The following FBN2 variants were observed in gnomAD, a reference collection of about 807,000 sequenced individuals.
FBN2 encodes fibrillin 2, also known as fibrillin-2.
FBN2 carries 105 observed loss-of-function variants against 355.6 expected under a neutral mutation model. That is an observed-to-expected ratio of 0.30 (90% CI 0.25 to 0.35). FBN2 has a LOEUF of 0.35. Among genes scored for constraint, FBN2 ranks in the 10% least tolerant of loss-of-function variants. The probability of loss-of-function intolerance (pLI) is 1.00; values close to 1 mark genes in which losing one functional copy is unlikely to be tolerated. For missense variants in FBN2, 3,280 were observed against 3,758.7 expected, an observed-to-expected ratio of 0.87 and a Z score of 3.33; for synonymous variants, 1,350 against 1,301.2, an observed-to-expected ratio of 1.04 and a Z score of -0.81.
intron 8 of FBN2, among the ~76,000 whole-genome samples, chr5:128,406,917 G>C (rs988033058): frequency 3.9e-5 from 6 of 152,250 alleles, no homozygotes; most frequent in African/African-American, 1.4e-4. Flanking sequence ...CCCTAAAATA[G>C]TTTATCTGCT....
chr5:128,362,194 C>T (rs1751655591), intron 18 of FBN2, among the ~76,000 whole-genome samples: 1 of 152,012 alleles, frequency 6.6e-6, no homozygotes, highest in South Asian at 2.1e-4. Context: ...AATTCATTTG[C>T]CTGTATACTT....
At chr5:128,357,562 A>G (rs1476186970) in intron 19 of FBN2, among the ~76,000 whole-genome samples, 167 bp from the exon 20 acceptor site, 2 of 152,158 alleles carry the variant, frequency 1.3e-5, no homozygotes, top group Non-Finnish European at 2.9e-5. Context: ...TGCATTTTAC[A>G]TCGTGGATAC....
intron 19 of FBN2, among the ~76,000 whole-genome samples, chr5:128,360,108 C>A (rs1751602142): frequency 6.6e-6 from 1 of 152,070 alleles, no homozygotes; most frequent in East Asian, 1.9e-4. Context: ...TATCCTCCAA[C>A]AGACAACAGA....
chr5:128,500,563 C>T (rs949446733), intron 5 of FBN2, among the ~76,000 whole-genome samples: 5 of 151,314 alleles, frequency 3.3e-5, no homozygotes, highest in African/African-American at 1.2e-4. Context: ...CCGCCTCAGC[C>T]TCTCTCGAGT....
intron 5 of FBN2, among the ~76,000 whole-genome samples, chr5:128,466,040 C>G (rs971735994): frequency 1.3e-5 from 2 of 152,188 alleles, no homozygotes; most frequent in Admixed American, 6.5e-5. Flanking sequence ...CTGTGATTTA[C>G]TTTCAGTGAA....
chr5:128,313,169 T>G (rs1379402781), intron 36 of FBN2, among the ~76,000 whole-genome samples: 1 of 152,230 alleles, frequency 6.6e-6, no homozygotes, highest in Non-Finnish European at 1.5e-5. Context: ...TCAACTTGCA[T>G]AGCTAACTTT....
At chr5:128,482,596 G>A (rs1203688814) in intron 5 of FBN2, among the ~76,000 whole-genome samples, 6 of 152,034 alleles carry the variant, frequency 3.9e-5, no homozygotes, top group Non-Finnish European at 8.8e-5. Context: ...TTTATGGGGA[G>A]CTATCATTTT....
intron 19 of FBN2, among the ~76,000 whole-genome samples, chr5:128,360,287 T>A (rs1751606342): frequency 6.6e-6 from 1 of 152,130 alleles, no homozygotes; most frequent in Non-Finnish European, 1.5e-5. Flanking sequence ...GTGTTAGAGA[T>A]GGGAGCAGGA....
intron 19 of FBN2, among the ~76,000 whole-genome samples, chr5:128,359,088 A>C (rs571967766): frequency 5.9e-5 from 9 of 152,152 alleles, no homozygotes; most frequent in African/African-American, 1.9e-4. Flanking sequence ...TTGCTGTAAA[A>C]ATTTTAACTT....
At chr5:128,260,091 C>T (rs1211414430) in intron 64 of FBN2, among the ~76,000 whole-genome samples, 1 of 152,008 alleles carries the variant, frequency 6.6e-6, no homozygotes, top group East Asian at 1.9e-4. Flanking sequence ...ATTAAAGGTA[C>T]AGGACTGGGC....
chr5:128,343,409 A>G (rs889645363), intron 25 of FBN2, among the ~76,000 whole-genome samples: 9 of 152,172 alleles, frequency 5.9e-5, no homozygotes, highest in Admixed American at 2.6e-4. Flanking sequence ...GACAGCTGTG[A>G]AAAGCTCAGA....
intron 7 of FBN2, among the ~76,000 whole-genome samples, chr5:128,428,684 T>C (rs1342833084): frequency 6.6e-6 from 1 of 152,244 alleles, no homozygotes; most frequent in Non-Finnish European, 1.5e-5. Context: ...CAGACTTTAG[T>C]TGTTTACTGT....
At chr5:128,310,392 ATATATATATAT>A (rs1391741052) in intron 39 of FBN2, among the ~76,000 whole-genome samples, 80 of 29,782 alleles carry the variant, frequency 2.7e-3, no homozygotes, top group African/African-American at 4.6e-3. Flanking sequence ...ATATATATAT[ATATATATATAT>A]TTTTTTTTTT....
rs753935960 is a variant in FBN2, at chr5:128,311,412, G to A, written c.4962C>T (p.Cys1654=). Residue 1654 remains cysteine, a synonymous_variant, in exon 39 of 65, where the codon TGC becomes TGT. Transcript: ENST00000262464. ...ITIILEDIDE[C]QELPGLCQGG... ...CCTGGCAGAGACCTGGTAACTCCTG[G>A]CATTCGTCAATGTCTACAAAAAGGG... 9.3e-6 allele frequency: 15 copies of A among 1,613,976 alleles called. No individual in the cohort carries two copies. The highest frequency in any genetic ancestry group is 1.1e-5 in the Non-Finnish European group (13 of 1,179,922).
intron 20 of FBN2, among the ~76,000 whole-genome samples, chr5:128,355,855 T>C (rs1287054123): frequency 6.6e-6 from 1 of 152,204 alleles, no homozygotes; most frequent in Admixed American, 6.5e-5. Context: ...GGTTAGTTGT[T>C]GGCAATTGGA....
intron 27 of FBN2, 108 bp downstream of exon 27, chr5:128,337,889 T>C: frequency 8.0e-7 from 1 of 1,246,180 alleles, no homozygotes; most frequent in South Asian, 1.2e-5. Context: ...TTCCACCTTT[T>C]AATAAGCTAG....
At chr5:128,344,803 C>A (rs561564213) in intron 24 of FBN2, among the ~76,000 whole-genome samples, 7 of 151,616 alleles carry the variant, frequency 4.6e-5, no homozygotes, top group African/African-American at 1.7e-4. Context: ...CAGGTTCAAG[C>A]GATTCTCCTG....
intron 5 of FBN2, among the ~76,000 whole-genome samples, chr5:128,494,343 T>G (rs1241914431): frequency 6.6e-6 from 1 of 152,138 alleles, no homozygotes; most frequent in Non-Finnish European, 1.5e-5. Context: ...GAGATTTTGA[T>G]GGTAGGCAAT....
At position 128,453,223 on chromosome 5, in the gene FBN2, T is replaced by C. The variant is rs370406081; in HGVS notation, c.827-6617A>G. 4.3e-4 allele frequency among the ~76,000 whole-genome samples: 66 copies of C among 152,354 alleles called. 1 individual carries two copies. In the South Asian group the frequency reaches 0.013, roughly 31 times the overall value. ...AAATTGTAATAACAAGAACAGAGCA[T>C]GGTTCTATCTCGATCTTATCTTCAC... On this transcript the variant is annotated intron_variant, in intron 6 of 64. Coordinates refer to ENST00000262464, the MANE Select transcript of FBN2 (RefSeq NM_001999.4).
Sources: gnomAD v4.1 joint callset for allele counts (sites outside exome capture counted in the v4.1 genomes callset) on GRCh38, gnomAD v4.1.1 for gene constraint, MANE v1.5 for transcripts, NCBI Gene and HGNC (gene_info 2026-07-23, HGNC 2026-07-21) for gene names.